GRIK2: variants seen among roughly 807,000 people sequenced by gnomAD.
GRIK2 encodes the protein glutamate receptor ionotropic, kainate 2.
GRIK2 carries 32 observed loss-of-function variants against 100.3 expected under a neutral mutation model. That is an observed-to-expected ratio of 0.32 (90% CI 0.24 to 0.43). The LOEUF (loss-of-function observed/expected upper bound fraction) is 0.43, where lower values mean the gene tolerates loss of function less well. Ranked by LOEUF, GRIK2 falls within the 20% of genes least tolerant of loss-of-function variation. The pLI is 1.00. For synonymous variants in GRIK2, 417 were observed against 389.4 expected, an observed-to-expected ratio of 1.07 and a Z score of -0.83; for missense variants, 843 against 1,114.9, an observed-to-expected ratio of 0.76 and a Z score of 3.47.
At chr6:101,549,225 A>G (rs1405971162) in intron 2 of GRIK2, among the ~76,000 whole-genome samples, 1 of 151,806 alleles carries the variant, frequency 6.6e-6, no homozygotes, top group Non-Finnish European at 1.5e-5. Flanking sequence ...GGGATATCAC[A>G]TAATGCCTCA....
intron 14 of GRIK2, among the ~76,000 whole-genome samples, chr6:102,031,076 TACAC>T (rs55900001): frequency 0.076 from 8,928 of 118,242 alleles, 436 homozygotes; most frequent in African/African-American, 0.14. Flanking sequence ...TATTATGCAT[TACAC>T]ACACACACAC....
At chr6:101,555,818 A>G (rs1047079044) in intron 2 of GRIK2, among the ~76,000 whole-genome samples, 3 of 152,194 alleles carry the variant, frequency 2.0e-5, no homozygotes, top group South Asian at 2.1e-4. Context: ...ATGCAAATAA[A>G]AACATAGGTT....
rs9498744 is a variant in GRIK2 at position 101,918,585 on chromosome 6, G to A, written c.1749-6016G>A. 7.6e-3 allele frequency among the ~76,000 whole-genome samples: 1,148 copies of A among 151,690 alleles called. 17 individuals carry two copies. The highest frequency in any genetic ancestry group is 0.027 in the African/African-American group (1,114 of 41,440). On this transcript the variant is annotated intron_variant, in intron 12 of 16. Transcript: ENST00000369134. ...ATGTAGCAATATGTAGTTTGAAAAC[G>A]GCTTTGCACATATTATCTCTCATGC... is the stretch of plus-strand genomic sequence containing the variant.
chr6:101,710,127 C>T (rs1298594034), intron 7 of GRIK2, among the ~76,000 whole-genome samples: 2 of 151,844 alleles, frequency 1.3e-5, no homozygotes, highest in Non-Finnish European at 2.9e-5. Flanking sequence ...ATTACATTTA[C>T]TATGTTTTAA....
intron 14 of GRIK2, among the ~76,000 whole-genome samples, chr6:101,932,905 C>A (rs923900878): frequency 3.3e-5 from 5 of 151,912 alleles, no homozygotes; most frequent in African/African-American, 9.7e-5. Context: ...GACTCAGTTC[C>A]TTCTACACCA....
intron 10 of GRIK2, among the ~76,000 whole-genome samples, chr6:101,858,545 C>T (rs192599209): frequency 1.8e-4 from 26 of 146,906 alleles, no homozygotes; most frequent in Middle Eastern, 3.4e-3. Flanking sequence ...CGCCACTACG[C>T]CCAGCTAATT....
chr6:102,036,390 G>A (rs186740348), intron 15 of GRIK2, among the ~76,000 whole-genome samples: 1 of 151,356 alleles, frequency 6.6e-6, no homozygotes, highest in East Asian at 2.0e-4. Flanking sequence ...TTTGAATATA[G>A]CATATGCTTT....
chr6:101,451,309 T>C (rs929993182), intron 2 of GRIK2, among the ~76,000 whole-genome samples: 4 of 151,776 alleles, frequency 2.6e-5, no homozygotes, highest in African/African-American at 9.7e-5. Context: ...TGAGATGCTA[T>C]ATAGTACTCC....
chr6:101,749,416 T>A (rs1447950819), intron 7 of GRIK2, among the ~76,000 whole-genome samples: 6 of 152,066 alleles, frequency 3.9e-5, no homozygotes, highest in Non-Finnish European at 7.4e-5. Flanking sequence ...GCCAGAAGTA[T>A]TATTTTTGCT....
chr6:102,048,998 AC>A lies in GRIK2; in HGVS notation c.2312-6331del, dbSNP rs139712187. Among the ~76,000 whole-genome samples, 620 of 152,254 alleles carry A rather than the reference AC, an allele frequency of 4.1e-3. 7 individuals carry two copies. The East Asian group carries it at 0.056, about 14-fold the overall frequency. On this transcript the variant is annotated intron_variant, in intron 15 of 16. Transcript: ENST00000369134. Reference sequence around the variant, plus strand: ...AGGATTTGGGTTCTATTAAGGAAGAACAAAAAGCATATTTTTATTATTTTTT... The same window carrying A: ...AGGATTTGGGTTCTATTAAGGAAGAAAAAAAGCATATTTTTATTATTTTTT...
intron 2 of GRIK2, among the ~76,000 whole-genome samples, chr6:101,411,990 G>A (rs1012194164): frequency 3.9e-5 from 6 of 152,004 alleles, no homozygotes; most frequent in African/African-American, 1.4e-4. Flanking sequence ...GTAGTTGAGA[G>A]GATTCCAACT....
intron 7 of GRIK2, among the ~76,000 whole-genome samples, chr6:101,771,230 T>C (rs1778383107): frequency 6.6e-6 from 1 of 152,028 alleles, no homozygotes; most frequent in African/African-American, 2.4e-5. Flanking sequence ...ATCTTTCTTT[T>C]TTTTCTTTTT....
At chr6:101,465,289 G>T (rs961415900) in intron 2 of GRIK2, among the ~76,000 whole-genome samples, 1 of 151,832 alleles carries the variant, frequency 6.6e-6, no homozygotes, top group Non-Finnish European at 1.5e-5. Context: ...ATCCTTCCAA[G>T]TCTCCAATTT....
At chr6:101,887,049 C>T (rs1199749347) in intron 11 of GRIK2, among the ~76,000 whole-genome samples, 1 of 151,512 alleles carries the variant, frequency 6.6e-6, no homozygotes, top group East Asian at 1.9e-4. Context: ...AGGATGGTCT[C>T]GATCTCCTGA....
rs187209796 is a variant in GRIK2, at chr6:101,517,669, G to A, written c.116-104280G>A. On this transcript the variant is annotated intron_variant, in intron 2 of 16. Coordinates refer to ENST00000369134, the MANE Select transcript of GRIK2 (RefSeq NM_021956.5). Reference sequence around the variant, plus strand: ...GCTTCCATCAGGCAATAGACAAGTAGGCAAAAACATATTTGACTTTTAGGC... The same window carrying A: ...GCTTCCATCAGGCAATAGACAAGTAAGCAAAAACATATTTGACTTTTAGGC... Among the ~76,000 whole-genome samples, 164 of 152,178 alleles carry A rather than the reference G, an allele frequency of 1.1e-3. 1 individual carries two copies. Among genetic ancestry groups the A allele is most frequent in the African/African-American group, 3.5e-3 (146 of 41,544 alleles).
chr6:101,621,216 G>A (rs1037315917), intron 2 of GRIK2, among the ~76,000 whole-genome samples: 3 of 152,164 alleles, frequency 2.0e-5, no homozygotes, highest in Non-Finnish European at 4.4e-5. Flanking sequence ...AATTTGGGAG[G>A]CCAAGGCAGG....
In GRIK2 at chr6:101,473,229, T is replaced by G. The variant is rs573404894; in HGVS notation, c.115+73837T>G. ...CCTTGTTTATTTTTTTAAAGCTCCT[T>G]GTTTTCAATTTAGAATATGGTACAC... On this transcript the variant is annotated intron_variant, in intron 2 of 16. Coordinates refer to ENST00000369134, the MANE Select transcript of GRIK2 (RefSeq NM_021956.5). Among the ~76,000 whole-genome samples, 17 of 151,268 alleles carry G rather than the reference T, an allele frequency of 1.1e-4. No individual in the cohort carries two copies. The South Asian group carries it at 3.5e-3, about 32-fold the overall frequency.
intron 14 of GRIK2, among the ~76,000 whole-genome samples, chr6:101,955,964 A>C (rs1416827131): frequency 6.6e-6 from 1 of 150,956 alleles, no homozygotes; most frequent in Non-Finnish European, 1.5e-5. Context: ...TTCTTTTTCC[A>C]CTGCTTTATG....
intron 4 of GRIK2, among the ~76,000 whole-genome samples, chr6:101,675,305 AC>A (rs1554243015): frequency 3.9e-5 from 3 of 76,244 alleles, no homozygotes; most frequent in East Asian, 2.8e-4. Flanking sequence ...ACACACACAC[AC>A]CACACACACA....
Sources: allele counts gnomAD v4.1 joint callset (sites outside exome capture counted in the v4.1 genomes callset), GRCh38; gene constraint gnomAD v4.1.1; transcripts MANE v1.5; gene names NCBI Gene and HGNC (gene_info 2026-07-23, HGNC 2026-07-21).